Variants in RNF125 observed in about 807,000 individuals in gnomAD.
The protein encoded by RNF125 is E3 ubiquitin-protein ligase RNF125.
A neutral mutation model predicts 26.0 loss-of-function variants in RNF125; 21 were observed. The observed-to-expected ratio is 0.81, with a 90% confidence interval of 0.57 to 1.16. The LOEUF is 1.16. Among genes scored for constraint, RNF125 ranks in the 50% most tolerant of loss-of-function variants. RNF125 has a pLI of 0.00. For missense variants in RNF125, 270 were observed against 299.4 expected (o/e 0.90, Z 0.72); for synonymous variants, 95 against 109.2 (o/e 0.87, Z 0.81).
intron 1 of RNF125, among the ~76,000 whole-genome samples, chr18:32,027,245 A>C (rs200632413): frequency 6.8e-6 from 1 of 146,154 alleles, no homozygotes; most frequent in Non-Finnish European, 1.5e-5. Context: ...TTTTTTTTTA[A>C]TTTAACAAAT....
chr18:32,026,795 A>G (rs1269776325), intron 1 of RNF125, among the ~76,000 whole-genome samples: 1 of 152,208 alleles, frequency 6.6e-6, no homozygotes, highest in Non-Finnish European at 1.5e-5. Flanking sequence ...CAAAACAAAT[A>G]AGAACATTTG....
intron 1 of RNF125, 49 bp from the exon 2 acceptor site, chr18:32,037,067 C>T (rs536480115): frequency 3.3e-6 from 5 of 1,529,112 alleles, no homozygotes; most frequent in African/African-American, 2.8e-5. Flanking sequence ...GGTGGTGGCT[C>T]CTTATAGCTT....
intron 4 of RNF125, among the ~76,000 whole-genome samples, chr18:32,049,003 G>A (rs1009235610): frequency 1.3e-5 from 2 of 152,208 alleles, no homozygotes; most frequent in Non-Finnish European, 2.9e-5. Context: ...TGCTTTGGCT[G>A]GAAGAATGCC....
chr18:32,034,346 G>A (rs2039129728), intron 1 of RNF125, among the ~76,000 whole-genome samples: 1 of 151,932 alleles, frequency 6.6e-6, no homozygotes, highest in African/African-American at 2.4e-5. Flanking sequence ...CTTGAGCAGG[G>A]CGGCAGCTGC....
At chr18:32,050,757 G>A (rs78074213) in intron 4 of RNF125, among the ~76,000 whole-genome samples, 13,924 of 148,250 alleles carry the variant, frequency 0.094, 2,085 homozygotes, top group African/African-American at 0.32. Context: ...TTCCTTAAAT[G>A]TAGATAACAT....
intron 2 of RNF125, among the ~76,000 whole-genome samples, chr18:32,038,231 G>T (rs2039180965): frequency 6.6e-6 from 1 of 151,864 alleles, no homozygotes; most frequent in Admixed American, 6.6e-5. Flanking sequence ...TGTCTTTTTA[G>T]TAGAGAGAGG....
At chr18:32,075,760 CTGAT>C (rs1400110434), downstream of RNF125, 23 of 434,624 alleles carry the variant, frequency 5.3e-5, no homozygotes, top group Admixed American at 8.4e-4. Context: ...AAGCATCAAT[CTGAT>C]TGTGCCATGC....
chr18:32,045,094 G>A (rs1272631709), intron 3 of RNF125, among the ~76,000 whole-genome samples: 1 of 150,540 alleles, frequency 6.6e-6, no homozygotes, highest in Non-Finnish European at 1.5e-5. Context: ...CTCCAGCCTG[G>A]GTAACAGAGC....
At chr18:32,027,479 C>T (rs1416662483) in intron 1 of RNF125, among the ~76,000 whole-genome samples, 2 of 152,016 alleles carry the variant, frequency 1.3e-5, no homozygotes, top group Non-Finnish European at 2.9e-5. Flanking sequence ...GAAACCAATA[C>T]AAGAACTAAT....
chr18:32,084,260 C>T, the RNF125 span, among the ~76,000 whole-genome samples: 2 of 152,084 alleles, frequency 1.3e-5, no homozygotes, highest in African/African-American at 4.8e-5. Flanking sequence ...GAGGCTGAGG[C>T]AGGGGAATCG....
At chr18:32,089,173 C>G in the RNF125 span, among the ~76,000 whole-genome samples, 1 of 152,200 alleles carries the variant, frequency 6.6e-6, no homozygotes, top group East Asian at 1.9e-4. Flanking sequence ...CAGGTCCGAG[C>G]AATCTTCATC....
intron 1 of RNF125, among the ~76,000 whole-genome samples, chr18:32,020,210 G>A (rs1242392837): frequency 3.3e-5 from 5 of 152,088 alleles, no homozygotes; most frequent in African/African-American, 1.2e-4. Context: ...CCCACACCCG[G>A]CTAGTTTTTG....
chr18:32,049,777 TTTCACTCTTGAGCA>T (rs2039306242), intron 4 of RNF125, among the ~76,000 whole-genome samples: 1 of 152,134 alleles, frequency 6.6e-6, no homozygotes, highest in Non-Finnish European at 1.5e-5. Flanking sequence ...TGTGTTAGTG[TTTCACTCTTGAGCA>T]GAAGCTCAGG....
At chr18:32,046,840 AT>A (rs2039277037) in intron 4 of RNF125, among the ~76,000 whole-genome samples, 1 of 151,226 alleles carries the variant, frequency 6.6e-6, no homozygotes, top group African/African-American at 2.4e-5. Context: ...TCATTTTTGT[AT>A]AGTTGTGAGG....
chr18:32,037,599 C>G (rs2039171648), intron 2 of RNF125, among the ~76,000 whole-genome samples: 1 of 151,976 alleles, frequency 6.6e-6, no homozygotes, highest in African/African-American at 2.4e-5. Context: ...GTCTCAATCT[C>G]CTGACCTCAT....
At chr18:32,085,309 G>A in the RNF125 span, among the ~76,000 whole-genome samples, 4 of 151,326 alleles carry the variant, frequency 2.6e-5, no homozygotes, top group East Asian at 5.8e-4. Context: ...CAGGAAGCAG[G>A]ACCAAAGAAA....
intron 3 of RNF125, among the ~76,000 whole-genome samples, chr18:32,044,168 A>G (rs336274): frequency 0.69 from 105,023 of 151,742 alleles, 36,555 homozygotes; most frequent in African/African-American, 0.72. Flanking sequence ...CACCATGCCT[A>G]GCTAATTTTT....
rs2144520004 is a variant in RNF125 at position 32,068,435 on chromosome 18, G to A, written c.*51G>A. ...ACCACTGAATTGCACCATTTAAGAT[G>A]CTGCTTGAACAAATGGGAGGGAAGT... On this transcript the variant is annotated 3_prime_UTR_variant, in exon 6 of 6. Transcript: ENST00000217740. The A allele has an allele frequency of 9.5e-7, 1 of 1,048,226 alleles. No homozygotes were observed. Among genetic ancestry groups the A allele is most frequent in the African/African-American group, 1.6e-5 (1 of 63,732 alleles). 64.9% of individuals were successfully genotyped at this position (1,048,226 alleles called of 1,614,324 possible).
intron 1 of RNF125, among the ~76,000 whole-genome samples, chr18:32,030,275 T>A (rs1211040650): frequency 2.0e-5 from 3 of 152,026 alleles, no homozygotes; most frequent in Admixed American, 1.3e-4. Context: ...ACTCCAGACC[T>A]CAGGTGATCC....
Sources: gnomAD v4.1 joint callset for allele counts (sites outside exome capture counted in the v4.1 genomes callset) on GRCh38, gnomAD v4.1.1 for gene constraint, MANE v1.5 for transcripts, NCBI Gene and HGNC (gene_info 2026-07-23, HGNC 2026-07-21) for gene names.